Variants in NDUFA9 observed in about 807,000 individuals in gnomAD.
NDUFA9 encodes the protein NADH:ubiquinone oxidoreductase subunit A9.
Under a neutral mutation model 45.9 loss-of-function variants are expected in NDUFA9, and 23 were observed. The ratio of observed to expected loss-of-function variants is 0.50; its 90% CI spans 0.36 to 0.71. NDUFA9 has a LOEUF of 0.71. Among genes scored for constraint, NDUFA9 ranks in the 30% least tolerant of loss-of-function variants. The pLI is 0.00. For synonymous variants in NDUFA9, 176 were observed against 170.5 expected, an observed-to-expected ratio of 1.03 and a Z score of -0.25; for missense variants, 466 against 488.2, an observed-to-expected ratio of 0.95 and a Z score of 0.43.
At chr12:4,684,261 A>G (rs1420672489) in intron 9 of NDUFA9, among the ~76,000 whole-genome samples, 1 of 152,168 alleles carries the variant, frequency 6.6e-6, no homozygotes, top group Non-Finnish European at 1.5e-5. Context: ...ATTTATTTAT[A>G]CTATGCATTA....
chr12:4,652,831 G>A (rs1344625113), intron 1 of NDUFA9, among the ~76,000 whole-genome samples: 2 of 152,256 alleles, frequency 1.3e-5, no homozygotes, highest in Non-Finnish European at 2.9e-5. Flanking sequence ...ATTATGATGT[G>A]TGGTCCATGA....
chr12:4,685,017 G>A (rs1345115195), intron 9 of NDUFA9: 1 of 622,762 alleles, frequency 1.6e-6, no homozygotes, highest in Non-Finnish European at 2.9e-6. Flanking sequence ...TTTAAGATCT[G>A]TTGTTTCTTT....
intron 4 of NDUFA9, 130 bp from the exon 5 acceptor site, chr12:4,658,906 T>A (rs1945807022): frequency 2.0e-6 from 2 of 1,010,980 alleles, no homozygotes; most frequent in South Asian, 3.3e-5. Context: ...AGCTTTAAGT[T>A]AAATCATTGC....
In NDUFA9 at chr12:4,659,122, A is replaced by G. The variant is rs1453604514; in HGVS notation, c.497A>G (p.His166Arg). ...GAAGCTGGAGTTGAAAAATTCATTC[A>G]TGTTTCACATCTGAATGCGAATATT... ...SKEAGVEKFI[H>R]VSHLNANIKS... The change falls in exon 5 of 11, where the codon CAT becomes CGT. Residue 166 changes from histidine to arginine, a missense_variant. Coordinates refer to ENST00000266544, the MANE Select transcript of NDUFA9 (RefSeq NM_005002.5). 1 of 1,611,320 alleles carries G rather than the reference A, an allele frequency of 6.2e-7. No homozygotes were observed. The highest frequency in any genetic ancestry group is 1.3e-5 in the African/African-American group (1 of 74,870).
Position 4,659,038 on chromosome 12 carries a change from A to G in NDUFA9, c.413A>G (p.Asn138Ser), listed in dbSNP as rs1397876154. Residue 138 changes from asparagine to serine, a missense_variant and splice_region_variant, in exon 5 of 11, where the codon AAC becomes AGC. Transcript: ENST00000266544. ...NLIGRDWETKNFDFEDVFVKI... is the reference protein window; with the variant it reads ...NLIGRDWETKSFDFEDVFVKI... ...TCCTTTTATTTTTTATCTTCCAGAAACTTTGATTTTGAGGATGTTTTTGTG... is the reference window on the plus strand; with the variant it reads ...TCCTTTTATTTTTTATCTTCCAGAAGCTTTGATTTTGAGGATGTTTTTGTG... 1.2e-6 allele frequency: 2 copies of G among 1,611,948 alleles called. No individual in the cohort carries two copies. Among genetic ancestry groups the G allele is most frequent in the African/African-American group, 1.3e-5 (1 of 74,748 alleles).
At chr12:4,684,433 GT>G (rs1945971910) in intron 9 of NDUFA9, among the ~76,000 whole-genome samples, 1 of 152,154 alleles carries the variant, frequency 6.6e-6, no homozygotes. Context: ...CCAGGACTCT[GT>G]GGGGCCCCAG....
chr12:4,682,268 C>G lies in NDUFA9; in HGVS notation c.864C>G (p.Phe288Leu). The G allele has an allele frequency of 6.2e-7, 1 of 1,613,132 alleles. No homozygotes were observed. The highest frequency in any genetic ancestry group is 1.1e-5 in the South Asian group (1 of 90,916). ...KYIFAVAHRLFLPFPLPLFAY... is the reference protein window; with the variant it reads ...KYIFAVAHRLLLPFPLPLFAY... ...TCTTTGCTGTGGCTCACAGATTGTT[C>G]CTCCCATTCCCCTTGCCGCTTTTTG... Residue 288 changes from phenylalanine (F) to leucine (L), a missense_variant, in exon 9 of 11, where the codon TTC becomes TTG. Phe to Leu is a conservative substitution (Grantham distance 22). Transcript: ENST00000266544.
At chr12:4,663,244 A>G (rs183218089) in intron 6 of NDUFA9, among the ~76,000 whole-genome samples, 7 of 152,050 alleles carry the variant, frequency 4.6e-5, no homozygotes, top group East Asian at 1.9e-4. Flanking sequence ...AGATGTTTCT[A>G]TCTTGTTTTT....
rs1946016952 is a variant in NDUFA9, at chr12:4,691,176, T to C, written c.*4068T>C. On this transcript the variant is annotated 3_prime_UTR_variant, in exon 11 of 11. Transcript: ENST00000266544. ...GTTTATAAAATGGGGGTGATAGTAA[T>C]AACTACATGATGGGATAGTGATGAG... 6.6e-6 allele frequency: 1 copy of C among 152,208 alleles called. No individual in the cohort carries two copies. The highest frequency in any genetic ancestry group is 2.4e-5 in the African/African-American group (1 of 41,462). 9.4% of individuals were successfully genotyped at this position (152,208 alleles called of 1,614,324 possible). A position where few individuals can be genotyped will look rare whatever the true frequency, so the allele number is the denominator to read the frequency against.
chr12:4,683,770 G>C (rs556339399), intron 9 of NDUFA9, among the ~76,000 whole-genome samples: 2 of 152,322 alleles, frequency 1.3e-5, no homozygotes, highest in South Asian at 4.2e-4. Flanking sequence ...AAAGGGAATG[G>C]AGTGTTTTCA....
At chr12:4,654,035 G>A (rs1045102409) in intron 1 of NDUFA9, among the ~76,000 whole-genome samples, 3 of 151,900 alleles carry the variant, frequency 2.0e-5, no homozygotes, top group Non-Finnish European at 4.4e-5. Flanking sequence ...CTTTGTGACT[G>A]TTTAATATGT....
At position 4,694,247 on chromosome 12, in the gene NDUFA9, C is replaced by T. The variant is rs533902543; in HGVS notation, c.*7139C>T. The T allele has an allele frequency of 3.3e-5, 5 of 152,200 alleles. No individual in the cohort carries two copies. In the East Asian group the frequency reaches 9.6e-4, roughly 29 times the overall value. 9.4% of individuals were successfully genotyped at this position (152,200 alleles called of 1,614,324 possible). On this transcript the variant is annotated 3_prime_UTR_variant, in exon 11 of 11. Transcript: ENST00000266544. ...GCACATTTATTTCAGTAATTTTGAT[C>T]TTTGGATTCTCCTTGGACATTCCTC...
intron 9 of NDUFA9, among the ~76,000 whole-genome samples, 178 bp downstream of exon 9, chr12:4,682,478 A>G (rs1279771376): frequency 6.6e-6 from 1 of 152,220 alleles, no homozygotes; most frequent in East Asian, 1.9e-4. Context: ...AAAAAAATAT[A>G]TTGGAACATT....
chr12:4,682,197 T>A lies in NDUFA9; in HGVS notation c.801-8T>A. 1.9e-6 allele frequency: 3 copies of A among 1,596,948 alleles called. No individual in the cohort carries two copies. Among genetic ancestry groups the A allele is most frequent in the Non-Finnish European group, 2.6e-6 (3 of 1,167,656 alleles). On this transcript the variant is annotated splice_region_variant and splice_polypyrimidine_tract_variant and intron_variant, in intron 8 of 10. Transcript: ENST00000266544. ...TAATTGAAAGAACTGTGTATTGTCTTTTTATAGTCCCAGTCGGTACCTCCT... is the reference window on the plus strand; with the variant it reads ...TAATTGAAAGAACTGTGTATTGTCTATTTATAGTCCCAGTCGGTACCTCCT...
At chr12:4,651,439 A>G (rs922598066) in intron 1 of NDUFA9, among the ~76,000 whole-genome samples, 5 of 152,104 alleles carry the variant, frequency 3.3e-5, no homozygotes, top group Non-Finnish European at 7.4e-5. Flanking sequence ...TGTGAGCTTC[A>G]TGAAGCCAGG....
chr12:4,685,556 G>A (rs1357284469), intron 10 of NDUFA9, among the ~76,000 whole-genome samples: 1 of 151,956 alleles, frequency 6.6e-6, no homozygotes, highest in African/African-American at 2.4e-5. Flanking sequence ...GATCACTCCT[G>A]TCAACACACA....
chr12:4,685,740 T>G (rs1337349690), intron 10 of NDUFA9, among the ~76,000 whole-genome samples: 1 of 152,176 alleles, frequency 6.6e-6, no homozygotes, highest in Non-Finnish European at 1.5e-5. Context: ...AGGCTTTTAT[T>G]CCCATTTCTC....
chr12:4,667,585 C>T (rs1591546189), intron 6 of NDUFA9: 1 of 207,868 alleles, frequency 4.8e-6, no homozygotes, highest in East Asian at 1.8e-4. Flanking sequence ...GATCTCGGCT[C>T]ACTGCAACCT....
chr12:4,675,075 A>T (rs1342303024), intron 8 of NDUFA9, among the ~76,000 whole-genome samples: 1 of 152,246 alleles, frequency 6.6e-6, no homozygotes. Flanking sequence ...TACGGGCTAA[A>T]TAATGAAATG....
Sources: gnomAD v4.1 joint callset for allele counts (sites outside exome capture counted in the v4.1 genomes callset) on GRCh38, gnomAD v4.1.1 for gene constraint, MANE v1.5 for transcripts, NCBI Gene and HGNC (gene_info 2026-07-23, HGNC 2026-07-21) for gene names.